Variants in SLC12A8 observed in about 807,000 individuals in gnomAD.
SLC12A8 encodes the protein cation-chloride cotransporter 9.
SLC12A8 carries 69 observed loss-of-function variants against 75.6 expected under a neutral mutation model. The observed-to-expected ratio is 0.91, with a 90% confidence interval of 0.75 to 1.11. The LOEUF (loss-of-function observed/expected upper bound fraction) is 1.11. Among genes scored for constraint, SLC12A8 ranks in the 50% most tolerant of loss-of-function variants. SLC12A8 has a pLI of 0.00. For synonymous variants in SLC12A8, 365 were observed against 372.8 expected, an observed-to-expected ratio of 0.98 and a Z score of 0.24; for missense variants, 877 against 896.7, an observed-to-expected ratio of 0.98 and a Z score of 0.28.
intron 4 of SLC12A8, among the ~76,000 whole-genome samples, chr3:125,182,762 T>C (rs1231204200): frequency 6.6e-6 from 1 of 152,206 alleles, no homozygotes; most frequent in Non-Finnish European, 1.5e-5. Flanking sequence ...CGCCTTGGCC[T>C]CCCAAAGTTC....
At chr3:125,147,666 T>C (rs1034120658) in intron 5 of SLC12A8, among the ~76,000 whole-genome samples, 1 of 152,098 alleles carries the variant, frequency 6.6e-6, no homozygotes, top group South Asian at 2.1e-4. Flanking sequence ...GCCTGGGAAG[T>C]GTTTTGATGA....
intron 5 of SLC12A8, among the ~76,000 whole-genome samples, chr3:125,148,987 A>G (rs563911645): frequency 6.6e-6 from 1 of 152,104 alleles, no homozygotes; most frequent in South Asian, 2.1e-4. Flanking sequence ...CACAGGCAGG[A>G]TGTGTCGGCC....
chr3:125,179,323 A>G (rs1934603109), intron 4 of SLC12A8, among the ~76,000 whole-genome samples: 1 of 152,210 alleles, frequency 6.6e-6, no homozygotes, highest in Admixed American at 6.5e-5. Context: ...GAATGCAAAT[A>G]TCTTAAAAAA....
At chr3:125,207,789 G>A (rs1014704495) in intron 2 of SLC12A8, among the ~76,000 whole-genome samples, 9 of 152,122 alleles carry the variant, frequency 5.9e-5, no homozygotes, top group Non-Finnish European at 1.0e-4. Context: ...ACCTCCCTCT[G>A]CACTGGCTGT....
chr3:125,147,292 G>A (rs149868738), intron 5 of SLC12A8, among the ~76,000 whole-genome samples: 43 of 152,232 alleles, frequency 2.8e-4, no homozygotes, highest in African/African-American at 7.5e-4. Context: ...CCTTTAACCC[G>A]GGCTGCCCTG....
intron 5 of SLC12A8, among the ~76,000 whole-genome samples, chr3:125,139,694 C>G (rs12628997): frequency 0.035 from 5,333 of 152,260 alleles, 270 homozygotes; most frequent in African/African-American, 0.11. Flanking sequence ...TCTGACTGGC[C>G]GGTACTGGCT....
intron 5 of SLC12A8, among the ~76,000 whole-genome samples, chr3:125,164,276 T>C (rs1934240966): frequency 6.6e-6 from 1 of 152,234 alleles, no homozygotes. Context: ...GTTTCAATCC[T>C]GGCTGAGCCA....
At chr3:125,203,088 C>T (rs1270622677) in intron 2 of SLC12A8, among the ~76,000 whole-genome samples, 1 of 88,440 alleles carries the variant, frequency 1.1e-5, no homozygotes, top group Admixed American at 1.4e-4. Context: ...GACTTCATCT[C>T]AAAAAAAAAA....
Position 125,177,785 on chromosome 3 carries a change from T to A in SLC12A8, c.580A>T (p.Thr194Ser). Residue 194 changes from threonine to serine, a missense_variant, in exon 5 of 14, where the codon ACA becomes TCA. Physicochemically the swap from Thr to Ser is moderately conservative, Grantham distance 58. Coordinates refer to ENST00000469902, the MANE Select transcript of SLC12A8 (RefSeq NM_024628.6). Reference protein sequence around the residue: ...LLLLFLLAVSTLDFVVGSFTH... With the variant: ...LLLLFLLAVSSLDFVVGSFTH... ...AAAGAACCCACCACAAAGTCCAGTGTGGACACGGCCAGCAGGAACAGCAAC... is the reference window on the plus strand; with the variant it reads ...AAAGAACCCACCACAAAGTCCAGTGAGGACACGGCCAGCAGGAACAGCAAC... The A allele has an allele frequency of 6.2e-7, 1 of 1,614,194 alleles. No individual in the cohort carries two copies. The highest frequency in any genetic ancestry group is 8.5e-7 in the Non-Finnish European group (1 of 1,180,046).
rs77014943 is a variant in SLC12A8, at chr3:125,131,384, A to G, written c.736+4285T>C. On this transcript the variant is annotated intron_variant, in intron 6 of 13. Transcript: ENST00000469902. Reference sequence around the variant, plus strand: ...TACAAATGCAGAATCAAAAATTATTAAGATTTTTTTTTTATTTTTTGAGAC... The same window carrying G: ...TACAAATGCAGAATCAAAAATTATTGAGATTTTTTTTTTATTTTTTGAGAC... Among the ~76,000 whole-genome samples, 1,387 of 152,202 alleles carry G rather than the reference A, an allele frequency of 9.1e-3. 19 individuals carry two copies. The highest frequency in any genetic ancestry group is 0.032 in the African/African-American group (1,338 of 41,544).
At chr3:125,185,910 C>T (rs1477446198) in intron 4 of SLC12A8, among the ~76,000 whole-genome samples, 2 of 152,210 alleles carry the variant, frequency 1.3e-5, no homozygotes, top group South Asian at 2.1e-4. Flanking sequence ...GGTGCAGTGG[C>T]GTCTCAGGCC....
intron 10 of SLC12A8, among the ~76,000 whole-genome samples, chr3:125,099,365 T>C (rs574865331): frequency 4.8e-4 from 73 of 152,330 alleles, no homozygotes; most frequent in Middle Eastern, 3.4e-3. Context: ...AAAGAGTTGC[T>C]ACAATACATT....
chr3:125,119,502 G>C (rs1443326790), intron 7 of SLC12A8, among the ~76,000 whole-genome samples: 2 of 152,234 alleles, frequency 1.3e-5, no homozygotes, highest in East Asian at 1.9e-4. Flanking sequence ...AGGTTCCTGT[G>C]GTCTCCTCAT....
intron 5 of SLC12A8, among the ~76,000 whole-genome samples, chr3:125,173,196 AAAG>A (rs1934443718): frequency 6.6e-6 from 1 of 152,110 alleles, no homozygotes; most frequent in Non-Finnish European, 1.5e-5. Flanking sequence ...ACAAACAAAC[AAAG>A]AAACCACTGG....
chr3:125,146,962 G>A (rs1933791051), intron 5 of SLC12A8, among the ~76,000 whole-genome samples: 2 of 152,328 alleles, frequency 1.3e-5, no homozygotes, highest in African/African-American at 4.8e-5. Context: ...AGAAATCACT[G>A]TGTGCTCAGG....
intron 5 of SLC12A8, among the ~76,000 whole-genome samples, chr3:125,172,274 TAAA>T (rs34741672): frequency 1.8e-4 from 26 of 145,768 alleles, no homozygotes; most frequent in Non-Finnish European, 3.3e-4. Context: ...AACTCCTTCT[TAAA>T]AAAAAAAAAA....
chr3:125,101,169 T>C (rs1938865933), intron 10 of SLC12A8, among the ~76,000 whole-genome samples: 1 of 152,204 alleles, frequency 6.6e-6, no homozygotes. Flanking sequence ...TTGACCTGGG[T>C]TCAAATTCTG....
At chr3:125,090,754 G>A (rs1221109284) in intron 12 of SLC12A8, among the ~76,000 whole-genome samples, 1 of 152,038 alleles carries the variant, frequency 6.6e-6, no homozygotes. Context: ...TTTTTCATTA[G>A]TGTTAGCCTG....
intron 6 of SLC12A8, among the ~76,000 whole-genome samples, chr3:125,123,786 T>C (rs1275246349): frequency 6.6e-6 from 1 of 152,120 alleles, no homozygotes; most frequent in East Asian, 1.9e-4. Context: ...GAGATTTGAG[T>C]GGGGACACAG....
Sources: gnomAD v4.1 joint callset for allele counts (sites outside exome capture counted in the v4.1 genomes callset) on GRCh38, gnomAD v4.1.1 for gene constraint, MANE v1.5 for transcripts, NCBI Gene and HGNC (gene_info 2026-07-23, HGNC 2026-07-21) for gene names.